The following GPC5 variants were observed in gnomAD, a reference collection of about 807,000 sequenced individuals.
The protein encoded by GPC5 is glypican 5, also known as glypican-5.
A neutral mutation model predicts 53.9 loss-of-function variants in GPC5; 47 were observed. That is an observed-to-expected ratio of 0.87 (90% CI 0.69 to 1.11). The LOEUF is 1.11. Ranked by LOEUF, GPC5 falls within the 50% of genes most tolerant of loss-of-function variation. The pLI, the probability that GPC5 is intolerant of heterozygous loss-of-function variation, is 0.00. For missense variants in GPC5, 748 were observed against 713.1 expected (o/e 1.05, Z -0.56); for synonymous variants, 286 against 263.3 (o/e 1.09, Z -0.84).
intron 2 of GPC5, among the ~76,000 whole-genome samples, chr13:91,574,464 A>T (rs1566519861): frequency 6.6e-6 from 1 of 152,098 alleles, no homozygotes; most frequent in African/African-American, 2.4e-5. Flanking sequence ...CTGGAGTTTG[A>T]TTCTACCAGG....
chr13:92,618,031 T>G (rs1423852611), intron 7 of GPC5, among the ~76,000 whole-genome samples: 1 of 152,170 alleles, frequency 6.6e-6, no homozygotes, highest in Non-Finnish European at 1.5e-5. Context: ...AAGTACTCTT[T>G]CTATGGTAAT....
chr13:92,040,271 C>G (rs866483617), intron 6 of GPC5, among the ~76,000 whole-genome samples: 1 of 152,194 alleles, frequency 6.6e-6, no homozygotes, highest in Non-Finnish European at 1.5e-5. Context: ...TTTCCTCTCT[C>G]AGCCCAAAGA....
At chr13:91,821,525 CA>C (rs1260150024) in intron 5 of GPC5, among the ~76,000 whole-genome samples, 1 of 152,050 alleles carries the variant, frequency 6.6e-6, no homozygotes, top group African/African-American at 2.4e-5. Flanking sequence ...GATTCTAAAT[CA>C]AAGTAATAAT....
At chr13:91,536,993 G>A (rs1886620690) in intron 2 of GPC5, among the ~76,000 whole-genome samples, 1 of 152,112 alleles carries the variant, frequency 6.6e-6, no homozygotes, top group African/African-American at 2.4e-5. Context: ...AAAATATTTT[G>A]CGAAGAATAA....
At chr13:92,562,591 AGAT>A (rs1040317110) in intron 7 of GPC5, among the ~76,000 whole-genome samples, 1 of 152,100 alleles carries the variant, frequency 6.6e-6, no homozygotes, top group African/African-American at 2.4e-5. Flanking sequence ...AACACAGTGA[AGAT>A]GACCCTATGT....
At chr13:92,463,883 T>G (rs1206244377) in intron 7 of GPC5, among the ~76,000 whole-genome samples, 1 of 152,178 alleles carries the variant, frequency 6.6e-6, no homozygotes, top group Non-Finnish European at 1.5e-5. Context: ...TGCAATTTAT[T>G]GGAGTTAAGA....
At chr13:91,815,929 G>A (rs1173630015) in intron 5 of GPC5, among the ~76,000 whole-genome samples, 1 of 151,958 alleles carries the variant, frequency 6.6e-6, no homozygotes, top group Non-Finnish European at 1.5e-5. Flanking sequence ...TGCTACCCCA[G>A]CACATCATGA....
At chr13:91,622,307 T>C (rs1038292493) in intron 2 of GPC5, among the ~76,000 whole-genome samples, 13 of 152,136 alleles carry the variant, frequency 8.5e-5, no homozygotes, top group African/African-American at 2.9e-4. Context: ...CATTTATCAA[T>C]CTTCCATTAT....
intron 7 of GPC5, among the ~76,000 whole-genome samples, chr13:92,178,196 C>T (rs2042122053): frequency 6.6e-6 from 1 of 152,086 alleles, no homozygotes; most frequent in African/African-American, 2.4e-5. Context: ...ACAGCAGGCG[C>T]ATCAGAACAG....
rs183549135 is a variant in GPC5 at position 91,763,824 on chromosome 13, G to A, written c.1280+7404G>A. On this transcript the variant is annotated intron_variant, in intron 5 of 7. Transcript: ENST00000377067. ...TATAGTCACCCCTTGGTATCCATGG[G>A]GAATTGTGTCCAGGACCTCTCTCAG... Among the ~76,000 whole-genome samples, 373 of 152,126 alleles carry A rather than the reference G, an allele frequency of 2.5e-3. 2 individuals are homozygous for A. Among genetic ancestry groups the A allele is most frequent in the South Asian group, 0.011 (53 of 4,812 alleles).
chr13:92,386,376 G>C (rs145351038), intron 7 of GPC5, among the ~76,000 whole-genome samples: 1 of 151,916 alleles, frequency 6.6e-6, no homozygotes, highest in East Asian at 1.9e-4. Flanking sequence ...AATAATACTT[G>C]CCTATGACCA....
intron 7 of GPC5, among the ~76,000 whole-genome samples, chr13:92,748,873 T>C (rs1262266509): frequency 1.3e-5 from 2 of 152,156 alleles, no homozygotes; most frequent in Non-Finnish European, 2.9e-5. Flanking sequence ...CTTTAGTGTA[T>C]GGATGAAAAG....
rs1194096313 is a variant in GPC5, at chr13:91,478,822, TAC to T, written c.325+29912_325+29913del. 1.6e-3 allele frequency among the ~76,000 whole-genome samples: 151 copies of T among 92,120 alleles called. 9 individuals are homozygous for T. Among genetic ancestry groups the T allele is most frequent in the African/African-American group, 4.9e-3 (94 of 19,332 alleles). 60.4% of individuals were successfully genotyped at this position (92,120 alleles called of 152,430 possible). A position where few individuals can be genotyped will look rare whatever the true frequency, so the allele number is the denominator to read the frequency against. On this transcript the variant is annotated intron_variant, in intron 2 of 7. Coordinates refer to ENST00000377067, the MANE Select transcript of GPC5 (RefSeq NM_004466.6). ...ATATATATATATATATATATATATA[TAC>T]ACACACACACATATATATACACATT...
intron 7 of GPC5, among the ~76,000 whole-genome samples, chr13:92,724,972 G>T (rs1291621977): frequency 1.3e-5 from 2 of 150,926 alleles, no homozygotes; most frequent in African/African-American, 4.9e-5. Context: ...TCACCAGTCA[G>T]ACCATGCCTC....
At chr13:92,790,119 T>C (rs1410408124) in intron 7 of GPC5, among the ~76,000 whole-genome samples, 1 of 152,140 alleles carries the variant, frequency 6.6e-6, no homozygotes. Flanking sequence ...GGCAGCTGAT[T>C]TGATGGTGCC....
At chr13:92,470,928 C>T (rs999534066) in intron 7 of GPC5, among the ~76,000 whole-genome samples, 2 of 152,060 alleles carry the variant, frequency 1.3e-5, no homozygotes, top group South Asian at 4.1e-4. Context: ...AAGCAAGTTG[C>T]TTTGATGAGA....
chr13:92,587,002 A>G (rs1458846325), intron 7 of GPC5, among the ~76,000 whole-genome samples: 1 of 152,026 alleles, frequency 6.6e-6, no homozygotes, highest in African/African-American at 2.4e-5. Flanking sequence ...CATACACAGG[A>G]ACACAGTTTT....
rs55758033 is a variant in GPC5 at position 91,671,780 on chromosome 13, CAAAAAAAAAAAA to C, written c.326-21393_326-21382del. ...CCTGTATAGCCAAGACAATCTGAAG[CAAAAAAAAAAAA>C]AAAAAAAAAAAAACGAAACTGGAGG... On this transcript the variant is annotated intron_variant, in intron 2 of 7. Transcript: ENST00000377067. Among the ~76,000 whole-genome samples, 6 of 33,124 alleles carry C rather than the reference CAAAAAAAAAAAA, an allele frequency of 1.8e-4. 1 individual carries two copies. Among genetic ancestry groups the C allele is most frequent in the Admixed American group, 1.0e-3 (2 of 1,986 alleles). 21.7% of individuals were successfully genotyped at this position (33,124 alleles called of 152,430 possible).
intron 7 of GPC5, among the ~76,000 whole-genome samples, chr13:92,543,821 G>A (rs112374490): frequency 1.3e-4 from 19 of 151,946 alleles, no homozygotes; most frequent in South Asian, 6.2e-4. Context: ...ATTGACAAAC[G>A]TTTAAGTGTT....
Sources: gnomAD v4.1 joint callset for allele counts (sites outside exome capture counted in the v4.1 genomes callset) on GRCh38, gnomAD v4.1.1 for gene constraint, MANE v1.5 for transcripts, NCBI Gene and HGNC (gene_info 2026-07-23, HGNC 2026-07-21) for gene names.